The following SCLY variants were observed in gnomAD, a reference collection of about 807,000 sequenced individuals.
SCLY encodes selenocysteine lyase, also known as putative selenocysteine lyase.
Under a neutral mutation model 50.1 loss-of-function variants are expected in SCLY, and 38 were observed. The observed-to-expected ratio is 0.76, with a 90% CI of 0.59 to 0.99. SCLY has a LOEUF of 0.99. Among genes scored for constraint, SCLY ranks in the 50% least tolerant of loss-of-function variants. The pLI is 0.00. For missense variants in SCLY, 600 were observed against 620.0 expected (o/e 0.97, Z 0.34); for synonymous variants, 243 against 249.4 (o/e 0.97, Z 0.24).
chr2:238,084,144 C>T (rs2065265062), intron 7 of SCLY, among the ~76,000 whole-genome samples: 1 of 152,236 alleles, frequency 6.6e-6, no homozygotes. Flanking sequence ...AGGTATCCCA[C>T]ACCACCACCG....
At chr2:238,097,583 C>G (rs2065452803) in intron 11 of SCLY, among the ~76,000 whole-genome samples, 1 of 152,018 alleles carries the variant, frequency 6.6e-6, no homozygotes, top group Admixed American at 6.5e-5. Context: ...AGTGGTGGGC[C>G]TGGCTCCAGG....
intron 1 of SCLY, among the ~76,000 whole-genome samples, chr2:238,062,334 A>G (rs1429284260): frequency 1.3e-5 from 2 of 152,120 alleles, no homozygotes; most frequent in East Asian, 3.8e-4. Context: ...GATTCCTAGG[A>G]CTATTAATAC....
intron 7 of SCLY, among the ~76,000 whole-genome samples, chr2:238,090,179 C>T (rs2065347495): frequency 6.6e-6 from 1 of 152,142 alleles, no homozygotes; most frequent in Non-Finnish European, 1.5e-5. Flanking sequence ...TGTTCAACAG[C>T]ATTAGTTATT....
In SCLY at chr2:238,061,071, C is replaced by A; in HGVS notation, c.17C>A (p.Ala6Glu). Residue 6 changes from alanine (A) to glutamate (E), a missense_variant, in exon 1 of 12, where the codon GCG becomes GAG. Coordinates refer to ENST00000254663, the MANE Select transcript of SCLY (RefSeq NM_016510.7). Reference sequence around the variant, plus strand: ...GGGGCGGGGATGGAGGCGGCCGTGGCGCCGGGGAGGGATGCGCCGGCACCC... The same window carrying A: ...GGGGCGGGGATGGAGGCGGCCGTGGAGCCGGGGAGGGATGCGCCGGCACCC... MEAAV[A>E]PGRDAPAPAA... The A allele has an allele frequency of 1.4e-6, 2 of 1,391,042 alleles. No individual in the cohort carries two copies. Among genetic ancestry groups the A allele is most frequent in the Non-Finnish European group, 1.8e-6 (2 of 1,083,516 alleles). 86.2% of individuals were successfully genotyped at this position (1,391,042 alleles called of 1,614,324 possible). A position where few individuals can be genotyped will look rare whatever the true frequency, so the allele number is the denominator to read the frequency against.
In SCLY at chr2:238,098,295, G is replaced by A. The variant is rs757123076; in HGVS notation, c.1278G>A (p.Glu426=). 3 of 1,608,902 alleles carry A rather than the reference G, an allele frequency of 1.9e-6. No homozygotes were observed. Among genetic ancestry groups the A allele is most frequent in the Non-Finnish European group, 2.5e-6 (3 of 1,179,580 alleles). Residue 426 remains glutamate, a synonymous_variant, in exon 12 of 12, where the codon GAG becomes GAA. Transcript: ENST00000254663. ...TGGGCCGCAGCACCACCAGGGCCGA[G>A]GTGGACCTCGTCGTGCAGGACCTGA... The part of the protein sequence containing the change: ...LSVGRSTTRA[E]VDLVVQDLKQ...
At chr2:238,074,394 T>TC (rs1162148769) in intron 4 of SCLY, among the ~76,000 whole-genome samples, 2 of 152,156 alleles carry the variant, frequency 1.3e-5, no homozygotes, top group Non-Finnish European at 2.9e-5. Context: ...CTCACATTGT[T>TC]CAAGGGTCAA....
intron 4 of SCLY, among the ~76,000 whole-genome samples, chr2:238,074,626 A>G (rs2252822): frequency 0.86 from 131,175 of 152,100 alleles, 56,719 homozygotes; most frequent in East Asian, 0.97. Context: ...TGGGATTATA[A>G]GCATGTGCCA....
Position 238,098,776 on chromosome 2 carries a change from T to C in SCLY, c.*421T>C, listed in dbSNP as rs1435017842. On this transcript the variant is annotated 3_prime_UTR_variant, in exon 12 of 12. Coordinates refer to ENST00000254663, the MANE Select transcript of SCLY (RefSeq NM_016510.7). ...CTGGAAGGTGTTTTTATCTGGAAGA[T>C]AGAATCCAAGTATTTATAACTCATT... The C allele has an allele frequency of 2.9e-6, 1 of 350,084 alleles. No individual in the cohort carries two copies. The highest frequency in any genetic ancestry group is 1.4e-4 in the South Asian group (1 of 7,038). The allele number at this position is 350,084 out of a possible 1,614,324, so 21.7% of individuals were successfully genotyped here.
Position 238,069,304 on chromosome 2 carries a change from A to C in SCLY, c.311A>C (p.Asn104Thr). ...IFTSGGTESNNLVIHSVVKHF... is the reference protein window; with the variant it reads ...IFTSGGTESNTLVIHSVVKHF... ...TTTGCTGTATCTCTGCAGTCAAATAATTTAGTAATCCATTCTGTGGTGAAA... is the reference window on the plus strand; with the variant it reads ...TTTGCTGTATCTCTGCAGTCAAATACTTTAGTAATCCATTCTGTGGTGAAA... The change falls in exon 4 of 12, where the codon AAT becomes ACT. Residue 104 changes from asparagine (N) to threonine (T), a missense_variant. Physicochemically the swap from Asn to Thr is moderately conservative, Grantham distance 65. Coordinates refer to ENST00000254663, the MANE Select transcript of SCLY (RefSeq NM_016510.7). The surrounding 1 kb of genome is among the most constrained non-coding windows in gnomAD (Gnocchi z 5.0). 1 of 1,613,278 alleles carries C rather than the reference A, an allele frequency of 6.2e-7. No individual in the cohort carries two copies. Among genetic ancestry groups the C allele is most frequent in the Non-Finnish European group, 8.5e-7 (1 of 1,179,684 alleles).
At chr2:238,092,663 A>G (rs1468681527) in intron 8 of SCLY, 1 of 152,420 alleles carries the variant, frequency 6.6e-6, no homozygotes, top group Non-Finnish European at 1.5e-5. Context: ...TGCACCTGTA[A>G]TGGCACAAGT....
Position 238,096,853 on chromosome 2 carries a change from G to C in SCLY, c.1161G>C (p.Ala387=), listed in dbSNP as rs139057106. 62 of 1,612,132 alleles carry C rather than the reference G, an allele frequency of 3.8e-5. No homozygotes were observed. The African/African-American group carries it at 7.5e-4, about 19-fold the overall frequency. The change falls in exon 11 of 12, where the codon GCG becomes GCC. Residue 387 remains alanine (A), a synonymous_variant. Coordinates refer to ENST00000254663, the MANE Select transcript of SCLY (RefSeq NM_016510.7). The part of the protein sequence containing the change: ...CRVLMASVGA[A]CHSDHGDQPS... ...TGCTGATGGCCAGTGTGGGGGCCGC[G>C]TGCCACTCGGACCACGGGGACCAGT...
At chr2:238,094,076 C>T in intron 9 of SCLY, 132 bp downstream of exon 9, 1 of 804,496 alleles carries the variant, frequency 1.2e-6, no homozygotes, top group Non-Finnish European at 2.0e-6. Context: ...CAGCAGGATG[C>T]AGTGAGGGAA....
chr2:238,073,348 C>T (rs2065144163), intron 4 of SCLY, among the ~76,000 whole-genome samples: 2 of 152,172 alleles, frequency 1.3e-5, no homozygotes, highest in South Asian at 4.1e-4. Context: ...CATCTGTTGA[C>T]ATCTCAAAAG....
At chr2:238,061,285 G>C in intron 1 of SCLY, 142 bp downstream of exon 1, 1 of 736,212 alleles carries the variant, frequency 1.4e-6, no homozygotes, top group South Asian at 1.5e-5. Flanking sequence ...GTCGGCCTAA[G>C]TCAGGGATGC....
At position 238,082,077 on chromosome 2, in the gene SCLY, C is replaced by A. The variant is rs1247868771; in HGVS notation, c.645C>A (p.Ala215=). The change falls in exon 6 of 12, where the codon GCC becomes GCA. Residue 215 remains alanine, a synonymous_variant. Transcript: ENST00000254663. ...CTGAAATCAGTCAGCGCATTAAAGC[C>A]CTGAACCAGGAACGGGTGGCAGCTG... The part of the protein sequence containing the change: ...PVPEISQRIK[A]LNQERVAAGL... The A allele has an allele frequency of 6.2e-7, 1 of 1,613,894 alleles. No individual in the cohort carries two copies. The highest frequency in any genetic ancestry group is 2.2e-5 in the East Asian group (1 of 44,892).
chr2:238,077,983 G>A (rs973092037), intron 4 of SCLY, among the ~76,000 whole-genome samples: 2 of 144,924 alleles, frequency 1.4e-5, no homozygotes, highest in African/African-American at 2.6e-5. Context: ...ACGGAATCTC[G>A]CTCTGTTGCC....
rs575357869 is a variant in SCLY at position 238,064,459 on chromosome 2, G to T, written c.192G>T (p.Pro64=). The T allele has an allele frequency of 1.9e-6, 3 of 1,603,368 alleles. No homozygotes were observed. In the South Asian group the frequency reaches 3.4e-5, roughly 18 times the overall value. ...AAGCCTGGGGAAATCCCAGCAGCCCGTATTCAGCAGGTAATTCTAGAAGAT... is the reference window on the plus strand; with the variant it reads ...AAGCCTGGGGAAATCCCAGCAGCCCTTATTCAGCAGGTAATTCTAGAAGAT... ...MWEAWGNPSS[P]YSAGRKAKDI... is the part of the protein sequence containing the mutation. Residue 64 remains proline, a synonymous_variant, in exon 2 of 12, where the codon CCG becomes CCT. Transcript: ENST00000254663.
At position 238,081,710 on chromosome 2, in the gene SCLY, G is replaced by C; in HGVS notation, c.486G>C (p.Ala162=). 3 of 1,613,182 alleles carry C rather than the reference G, an allele frequency of 1.9e-6. No individual in the cohort carries two copies. The highest frequency in any genetic ancestry group is 2.5e-6 in the Non-Finnish European group (3 of 1,179,212). The change falls in exon 5 of 12, where the codon GCG becomes GCC. Residue 162 remains alanine (A), a splice_region_variant and synonymous_variant. Coordinates refer to ENST00000254663, the MANE Select transcript of SCLY (RefSeq NM_016510.7). ...TCGGTACTCATGTTTGTTTCCCAGCGGTCACCTTTGTCCCGGTGTCCAAGG... is the reference window on the plus strand; with the variant it reads ...TCGGTACTCATGTTTGTTTCCCAGCCGTCACCTTTGTCCCGGTGTCCAAGG... ...LEHLVEEQVA[A]VTFVPVSKVS...
At position 238,098,623 on chromosome 2, in the gene SCLY, C is replaced by CGCCCACATGGGACCGCCCACATGGGAA. The variant is rs1559254704; in HGVS notation, c.*268_*269insGCCCACATGGGACCGCCCACATGGGAA. ...CCCACATAGGACCGCCCACATGGGACCGCCCACATGGGACCGCCCACATGG... is the reference window on the plus strand; with the variant it reads ...CCCACATAGGACCGCCCACATGGGACGCCCACATGGGACCGCCCACATGGGAACGCCCACATGGGACCGCCCACATGG... On this transcript the variant is annotated 3_prime_UTR_variant, in exon 12 of 12. Coordinates refer to ENST00000254663, the MANE Select transcript of SCLY (RefSeq NM_016510.7). 1 of 230,300 alleles carries CGCCCACATGGGACCGCCCACATGGGAA rather than the reference C, an allele frequency of 4.3e-6. No homozygotes were observed. Among genetic ancestry groups the CGCCCACATGGGACCGCCCACATGGGAA allele is most frequent in the Non-Finnish European group, 8.0e-6 (1 of 124,958 alleles). 14.3% of individuals were successfully genotyped at this position (230,300 alleles called of 1,614,324 possible). A position where few individuals can be genotyped will look rare whatever the true frequency, so the allele number is the denominator to read the frequency against.
Sources: gnomAD v4.1 joint callset for allele counts (sites outside exome capture counted in the v4.1 genomes callset) on GRCh38, gnomAD v4.1.1 for gene constraint, Gnocchi (gnomAD v3.1) non-coding constraint, MANE v1.5 for transcripts, NCBI Gene and HGNC (gene_info 2026-07-23, HGNC 2026-07-21) for gene names.